Variants in RB1CC1 observed in about 807,000 individuals in gnomAD.
The protein encoded by RB1CC1 is RB1 inducible coiled-coil 1.
RB1CC1 carries 46 observed loss-of-function variants against 177.5 expected under a neutral mutation model. That is an observed-to-expected ratio of 0.26 (90% CI 0.20 to 0.33). RB1CC1 has a LOEUF of 0.33. Among genes scored for constraint, RB1CC1 ranks in the 10% least tolerant of loss-of-function variants. RB1CC1 has a pLI of 1.00. For synonymous variants in RB1CC1, 666 were observed against 613.6 expected (o/e 1.09, Z -1.26); for missense variants, 1,703 against 1,816.3 (o/e 0.94, Z 1.13).
At chr8:52,670,990 A>T (rs922952639) in intron 7 of RB1CC1, among the ~76,000 whole-genome samples, 1 of 152,098 alleles carries the variant, frequency 6.6e-6, no homozygotes, top group Non-Finnish European at 1.5e-5. Flanking sequence ...GCAAGAATAC[A>T]CTAAAATCTA....
Position 52,675,493 on chromosome 8 carries a change from C to T in RB1CC1, c.572+876G>A, listed in dbSNP as rs1204016926. ...TACCATTATATTTTCAGGTTAACTA[C>T]AGCCCTTTTAAAAAAAGAATCAATG... On this transcript the variant is annotated intron_variant, in intron 6 of 23. Coordinates refer to ENST00000025008, the MANE Select transcript of RB1CC1 (RefSeq NM_014781.5). Among the ~76,000 whole-genome samples the T allele has an allele frequency of 2.6e-5, 4 of 152,138 alleles. No individual in the cohort carries two copies. The East Asian group carries it at 7.8e-4, about 29-fold the overall frequency.
chr8:52,703,625 T>C (rs1339715207), intron 1 of RB1CC1, among the ~76,000 whole-genome samples: 1 of 152,214 alleles, frequency 6.6e-6, no homozygotes, highest in African/African-American at 2.4e-5. Context: ...TCAGTGGTCT[T>C]GTTCCTGAAG....
Position 52,714,058 on chromosome 8 carries a change from G to T in RB1CC1, c.-167+17C>A, listed in dbSNP as rs1316782636. 1 of 347,922 alleles carries T rather than the reference G, an allele frequency of 2.9e-6. No individual in the cohort carries two copies. The allele number at this position is 347,922 out of a possible 1,614,324, so 21.6% of individuals were successfully genotyped here. A position where few individuals can be genotyped will look rare whatever the true frequency, so the allele number is the denominator to read the frequency against. On this transcript the variant is annotated intron_variant, in intron 1 of 23. Coordinates refer to ENST00000025008, the MANE Select transcript of RB1CC1 (RefSeq NM_014781.5). The stretch of plus-strand genomic sequence containing the variant: ...TGCCAGATGGGGGAAGGGGACGCGG[G>T]CGGCGGCGACACTTACCCGGCAACG...
chr8:52,642,283 C>CTCT, intron 18 of RB1CC1, 68 bp downstream of exon 18: 1 of 1,522,630 alleles, frequency 6.6e-7, no homozygotes, highest in Non-Finnish European at 8.8e-7. Context: ...AATATTTCCT[C>CTCT]TCTTCAGAGC....
At chr8:52,637,702 CAG>C (rs1444923894) in intron 18 of RB1CC1, among the ~76,000 whole-genome samples, 3 of 146,930 alleles carry the variant, frequency 2.0e-5, no homozygotes, top group African/African-American at 5.4e-5. Flanking sequence ...TTTTTTGAGA[CAG>C]AGTCTTGTTC....
intron 18 of RB1CC1, among the ~76,000 whole-genome samples, chr8:52,638,123 T>C (rs1438821989): frequency 6.6e-6 from 1 of 152,210 alleles, no homozygotes; most frequent in Non-Finnish European, 1.5e-5. Context: ...TAATTGTGGG[T>C]TCTCACAGAT....
At chr8:52,674,930 A>G (rs1264110449) in intron 6 of RB1CC1, among the ~76,000 whole-genome samples, 2 of 152,228 alleles carry the variant, frequency 1.3e-5, no homozygotes, top group Non-Finnish European at 2.9e-5. Flanking sequence ...TAAATCAAAT[A>G]TATTTGATAT....
chr8:52,665,309 T>C (rs1245923970), intron 8 of RB1CC1, among the ~76,000 whole-genome samples: 2 of 152,186 alleles, frequency 1.3e-5, no homozygotes, highest in African/African-American at 4.8e-5. Flanking sequence ...AGTAAATACA[T>C]GGCAAACGCT....
At chr8:52,702,795 T>G (rs547882763) in intron 1 of RB1CC1, among the ~76,000 whole-genome samples, 1 of 151,970 alleles carries the variant, frequency 6.6e-6, no homozygotes, top group Non-Finnish European at 1.5e-5. Context: ...AAATTTCCAT[T>G]CTCTAATCTG....
chr8:52,660,791 T>A, intron 11 of RB1CC1, 134 bp from the exon 12 acceptor site: 1 of 1,088,488 alleles, frequency 9.2e-7, no homozygotes. Context: ...TTCAATTCTA[T>A]ACACTTTAAA....
At position 52,642,482 on chromosome 8, in the gene RB1CC1, A is replaced by G; in HGVS notation, c.4206T>C (p.Tyr1402=). ...LRSSSFVPSP[Y]VATAPELYGA... Reference sequence around the variant, plus strand: ...CATAAAGTTCTGGGGCTGTAGCTACATATGGTGAAGGAACAAAACTGCTAC... The same window carrying G: ...CATAAAGTTCTGGGGCTGTAGCTACGTATGGTGAAGGAACAAAACTGCTAC... The change falls in exon 18 of 24, where the codon TAT becomes TAC. Residue 1402 remains tyrosine, a synonymous_variant. Coordinates refer to ENST00000025008, the MANE Select transcript of RB1CC1 (RefSeq NM_014781.5). 2.5e-6 allele frequency: 4 copies of G among 1,614,106 alleles called. No homozygotes were observed. The highest frequency in any genetic ancestry group is 3.4e-6 in the Non-Finnish European group (4 of 1,179,996).
At position 52,623,476 on chromosome 8, in the gene RB1CC1, T is replaced by A; in HGVS notation, c.*306A>T. 1 of 381,176 alleles carries A rather than the reference T, an allele frequency of 2.6e-6. No individual in the cohort carries two copies. 23.6% of individuals were successfully genotyped at this position (381,176 alleles called of 1,614,324 possible). The stretch of plus-strand genomic sequence containing the variant: ...TTTAACAGGCAATTAATATGGCTCA[T>A]CATAAGCCACAATGCACAAGGTATG... On this transcript the variant is annotated 3_prime_UTR_variant, in exon 24 of 24. Coordinates refer to ENST00000025008, the MANE Select transcript of RB1CC1 (RefSeq NM_014781.5).
At chr8:52,651,909 G>A (rs1025230869) in intron 15 of RB1CC1, among the ~76,000 whole-genome samples, 3 of 152,132 alleles carry the variant, frequency 2.0e-5, no homozygotes, top group Non-Finnish European at 2.9e-5. Flanking sequence ...TTAAGATTAT[G>A]AGAAAATCCA....
chr8:52,712,541 T>C (rs560014516), intron 1 of RB1CC1, among the ~76,000 whole-genome samples: 2 of 148,986 alleles, frequency 1.3e-5, no homozygotes, highest in East Asian at 2.0e-4. Context: ...TACCGCTTCA[T>C]TGTCTTCCCT....
intron 7 of RB1CC1, among the ~76,000 whole-genome samples, chr8:52,669,245 T>G (rs1398535946): frequency 6.6e-6 from 1 of 152,198 alleles, no homozygotes; most frequent in East Asian, 1.9e-4. Context: ...TAATAAAGGC[T>G]TCATTGATCT....
chr8:52,658,034 C>T lies in RB1CC1; in HGVS notation c.1884G>A (p.Met628Ile). Residue 628 changes from methionine (M) to isoleucine (I), a missense_variant, in exon 14 of 24, where the codon ATG becomes ATA. Transcript: ENST00000025008. Reference sequence around the variant, plus strand: ...TCAGTAGATCTGTAATGGTCTGTGACATTTCATCCAAACTTTGTGCTGCTT... The same window carrying T: ...TCAGTAGATCTGTAATGGTCTGTGATATTTCATCCAAACTTTGTGCTGCTT... ...LVKAAQSLDE[M>I]SQTITDLLSE... The T allele has an allele frequency of 1.2e-6, 2 of 1,614,052 alleles. No individual in the cohort carries two copies. The highest frequency in any genetic ancestry group is 1.7e-6 in the Non-Finnish European group (2 of 1,179,998).
At chr8:52,641,585 C>T (rs16918019) in intron 18 of RB1CC1, among the ~76,000 whole-genome samples, 64 of 151,800 alleles carry the variant, frequency 4.2e-4, no homozygotes, top group African/African-American at 1.4e-3. Context: ...GAGGGGACCA[C>T]GCTGATTCTA....
intron 1 of RB1CC1, among the ~76,000 whole-genome samples, chr8:52,704,049 C>T (rs1408690628): frequency 6.6e-6 from 1 of 151,674 alleles, no homozygotes; most frequent in East Asian, 1.9e-4. Context: ...AAAAAACATT[C>T]AGCAAAAAGG....
intron 9 of RB1CC1, 54 bp from the exon 10 acceptor site, chr8:52,661,335 T>C (rs1444108132): frequency 6.9e-6 from 11 of 1,587,000 alleles, no homozygotes; most frequent in Non-Finnish European, 9.4e-6. Context: ...ACTAACTTAG[T>C]TACTTACTTA....
Sources: gnomAD v4.1 joint callset for allele counts (sites outside exome capture counted in the v4.1 genomes callset) on GRCh38, gnomAD v4.1.1 for gene constraint, MANE v1.5 for transcripts, NCBI Gene and HGNC (gene_info 2026-07-23, HGNC 2026-07-21) for gene names.